Variants in ME3 observed in about 807,000 individuals in gnomAD.
ME3 encodes NADP-dependent malic enzyme, mitochondrial.
ME3 carries 48 observed loss-of-function variants against 68.9 expected under a neutral mutation model. The observed-to-expected ratio is 0.70, with a 90% CI of 0.55 to 0.89. The LOEUF (loss-of-function observed/expected upper bound fraction) is 0.89. ME3 is among the 40% of genes least tolerant of loss of function. The pLI, the probability that ME3 is intolerant of heterozygous loss-of-function variation, is 0.00. For synonymous variants in ME3, 320 were observed against 318.8 expected, an observed-to-expected ratio of 1.00 and a Z score of -0.04; for missense variants, 675 against 797.4, an observed-to-expected ratio of 0.85 and a Z score of 1.85.
At chr11:86,496,328 C>T (rs138974768) in intron 6 of ME3, among the ~76,000 whole-genome samples, 2,104 of 152,074 alleles carry the variant, frequency 0.014, 54 homozygotes, top group African/African-American at 0.048. Context: ...ATTGCTTGAA[C>T]CAGGGAAGCA....
At chr11:86,576,260 G>A (rs1027519901) in intron 2 of ME3, among the ~76,000 whole-genome samples, 2 of 152,114 alleles carry the variant, frequency 1.3e-5, no homozygotes, top group Non-Finnish European at 2.9e-5. Context: ...TTTGGAGGAG[G>A]TGACAGGAGG....
chr11:86,525,786 C>T (rs1348291545), intron 4 of ME3, among the ~76,000 whole-genome samples: 1 of 150,290 alleles, frequency 6.7e-6, no homozygotes, highest in East Asian at 2.0e-4. Context: ...TGCTTGAACC[C>T]AGGAGGCAGA....
chr11:86,611,624 A>G (rs1406029313), intron 2 of ME3, among the ~76,000 whole-genome samples: 1 of 150,994 alleles, frequency 6.6e-6, no homozygotes, highest in Non-Finnish European at 1.5e-5. Context: ...GGGGAAGAAA[A>G]ATGAATATCT....
chr11:86,613,991 A>C (rs921475079), intron 2 of ME3, among the ~76,000 whole-genome samples: 4 of 152,236 alleles, frequency 2.6e-5, no homozygotes, highest in Non-Finnish European at 4.4e-5. Context: ...ATATGGAACC[A>C]ACAGAGAGCC....
intron 4 of ME3, among the ~76,000 whole-genome samples, chr11:86,549,156 A>G (rs1956534762): frequency 6.6e-6 from 1 of 152,224 alleles, no homozygotes; most frequent in African/African-American, 2.4e-5. Flanking sequence ...ACCTGATTTC[A>G]TAGCTCTTTT....
chr11:86,563,076 G>A (rs796381418), intron 2 of ME3, among the ~76,000 whole-genome samples: 44 of 152,016 alleles, frequency 2.9e-4, no homozygotes, highest in African/African-American at 9.9e-4. Flanking sequence ...ATCATTGATG[G>A]GCACCTGAGT....
At chr11:86,638,653 T>A (rs911672807) in intron 2 of ME3, among the ~76,000 whole-genome samples, 4 of 152,200 alleles carry the variant, frequency 2.6e-5, no homozygotes, top group African/African-American at 9.7e-5. Context: ...GGGCCTACAA[T>A]GTGTCAGATA....
chr11:86,444,429 A>G (rs1423959501), intron 13 of ME3, among the ~76,000 whole-genome samples: 1 of 152,140 alleles, frequency 6.6e-6, no homozygotes, highest in Non-Finnish European at 1.5e-5. Flanking sequence ...GAAGGTCTGA[A>G]ATTAGGGGAG....
chr11:86,579,460 A>C (rs183844071), intron 2 of ME3, among the ~76,000 whole-genome samples: 78 of 152,250 alleles, frequency 5.1e-4, no homozygotes, highest in African/African-American at 1.7e-3. Flanking sequence ...CAGTGTCCTC[A>C]GTGGGGGACT....
intron 2 of ME3, among the ~76,000 whole-genome samples, chr11:86,602,192 T>C (rs1960805328): frequency 6.6e-6 from 1 of 150,444 alleles, no homozygotes; most frequent in African/African-American, 2.4e-5. Context: ...CATGATTGTA[T>C]ATCTAGAAAA....
chr11:86,509,300 G>C (rs895849555), intron 4 of ME3, among the ~76,000 whole-genome samples: 1 of 152,214 alleles, frequency 6.6e-6, no homozygotes, highest in South Asian at 2.1e-4. Context: ...GGACATGGGG[G>C]TTGGGATGTT....
At chr11:86,521,172 G>A (rs1954247077) in intron 4 of ME3, among the ~76,000 whole-genome samples, 1 of 152,018 alleles carries the variant, frequency 6.6e-6, no homozygotes, top group Non-Finnish European at 1.5e-5. Context: ...GGCGGATCAC[G>A]CACGAGGTCA....
At chr11:86,446,909 CCTT>C in intron 12 of ME3, 153 bp downstream of exon 12, 1 of 1,055,380 alleles carries the variant, frequency 9.5e-7, no homozygotes, top group Non-Finnish European at 1.3e-6. Flanking sequence ...CAGCTCCACT[CCTT>C]ATTAGCTCTT....
intron 6 of ME3, among the ~76,000 whole-genome samples, chr11:86,487,972 G>A (rs1951793729): frequency 6.6e-6 from 1 of 152,158 alleles, no homozygotes; most frequent in South Asian, 2.1e-4. Context: ...GAGCCCGGGA[G>A]TCTGAGGCTG....
chr11:86,578,006 C>A (rs767823975), intron 2 of ME3, among the ~76,000 whole-genome samples: 3 of 152,128 alleles, frequency 2.0e-5, no homozygotes, highest in Non-Finnish European at 4.4e-5. Flanking sequence ...TAAGAACCAG[C>A]GTGGAAGAGA....
intron 2 of ME3, among the ~76,000 whole-genome samples, chr11:86,598,076 G>C (rs1354433500): frequency 6.6e-6 from 1 of 152,122 alleles, no homozygotes; most frequent in Non-Finnish European, 1.5e-5. Context: ...CATCTCACTA[G>C]GGAGTGCCAG....
chr11:86,548,036 A>G (rs1272450628), intron 4 of ME3, among the ~76,000 whole-genome samples: 3 of 152,214 alleles, frequency 2.0e-5, no homozygotes, highest in Admixed American at 2.0e-4. Flanking sequence ...TAATGTCTGC[A>G]TTTGTGGGGG....
At chr11:86,467,443 C>G (rs1304010507) in intron 7 of ME3, among the ~76,000 whole-genome samples, 1 of 152,054 alleles carries the variant, frequency 6.6e-6, no homozygotes, top group East Asian at 1.9e-4. Context: ...TAATGCCATG[C>G]TCACCAAGCC....
intron 9 of ME3, 70 bp from the exon 10 acceptor site, chr11:86,450,072 G>GGGGT: frequency 1.6e-6 from 2 of 1,283,102 alleles, no homozygotes; most frequent in Non-Finnish European, 2.2e-6. Context: ...CTGATGTCTT[G>GGGGT]CCATAAGGAC....
Sources: allele counts gnomAD v4.1 joint callset (sites outside exome capture counted in the v4.1 genomes callset), GRCh38; gene constraint gnomAD v4.1.1; transcripts MANE v1.5; gene names NCBI Gene and HGNC (gene_info 2026-07-23, HGNC 2026-07-21).